TBC1D22A: variants seen among roughly 807,000 people sequenced by gnomAD.
TBC1D22A encodes the protein TBC1 domain family member 22A, also known as putative GTPase activator.
In TBC1D22A, 38 loss-of-function variants were observed where a neutral mutation model predicts 60.2. The observed-to-expected ratio is 0.63, with a 90% CI of 0.49 to 0.83. TBC1D22A has a LOEUF of 0.83. TBC1D22A is among the 40% of genes least tolerant of loss of function. The probability of loss-of-function intolerance (pLI) is 0.00; values close to 1 mark genes in which losing one functional copy is unlikely to be tolerated. For synonymous variants in TBC1D22A, 302 were observed against 281.7 expected, an observed-to-expected ratio of 1.07 and a Z score of -0.72; for missense variants, 628 against 701.0, an observed-to-expected ratio of 0.90 and a Z score of 1.18.
intron 11 of TBC1D22A, among the ~76,000 whole-genome samples, chr22:47,046,803 C>T (rs985053680): frequency 1.3e-5 from 2 of 152,188 alleles, no homozygotes; most frequent in South Asian, 2.1e-4. Context: ...ACCCCTCTAT[C>T]CCAGAGCCCT....
chr22:46,769,619 G>A (rs943619336), intron 1 of TBC1D22A, among the ~76,000 whole-genome samples: 3 of 152,144 alleles, frequency 2.0e-5, no homozygotes, highest in African/African-American at 7.2e-5. Context: ...ATAGGAGTGG[G>A]GAGCGCTTGA....
In TBC1D22A at chr22:47,001,116, C is replaced by T. The variant is rs115916168; in HGVS notation, c.1201+3407C>T. On this transcript the variant is annotated intron_variant, in intron 10 of 12. Transcript: ENST00000337137. Reference sequence around the variant, plus strand: ...GTTTGTGAGACCCAGAATAGTGACACGTGAGGGCAAAGTGGACGTGATACT... The same window carrying T: ...GTTTGTGAGACCCAGAATAGTGACATGTGAGGGCAAAGTGGACGTGATACT... Among the ~76,000 whole-genome samples, 345 of 152,098 alleles carry T rather than the reference C, an allele frequency of 2.3e-3. 5 individuals carry two copies. Among genetic ancestry groups the T allele is most frequent in the African/African-American group, 8.1e-3 (335 of 41,472 alleles).
chr22:46,915,924 C>T (rs552780670), intron 8 of TBC1D22A: 12 of 447,598 alleles, frequency 2.7e-5, no homozygotes, highest in African/African-American at 1.0e-4. Flanking sequence ...CATGCTGGCA[C>T]TCAGAGCCCT....
chr22:47,099,430 T>G (rs185070627), intron 11 of TBC1D22A, among the ~76,000 whole-genome samples: 12 of 151,952 alleles, frequency 7.9e-5, no homozygotes, highest in East Asian at 3.9e-4. Flanking sequence ...GTCCCTGCTT[T>G]CTTTCTTTTT....
intron 12 of TBC1D22A, among the ~76,000 whole-genome samples, chr22:47,151,817 G>A (rs761765225): frequency 1.3e-5 from 2 of 152,234 alleles, no homozygotes; most frequent in Non-Finnish European, 2.9e-5. Flanking sequence ...TGTCGGGAAA[G>A]AGCAGCGTCA....
At chr22:46,765,961 G>A (rs1300433220) in intron 1 of TBC1D22A, among the ~76,000 whole-genome samples, 9 of 8,972 alleles carry the variant, frequency 1.0e-3, no homozygotes, top group African/African-American at 6.3e-3. Flanking sequence ...TAATTTATGT[G>A]TGTGTGTGTG....
At chr22:46,860,963 T>G (rs968398605) in intron 4 of TBC1D22A, among the ~76,000 whole-genome samples, 18 of 147,684 alleles carry the variant, frequency 1.2e-4, no homozygotes, top group Admixed American at 2.7e-4. Context: ...AAGGCATATT[T>G]GAAAACAGAT....
At chr22:47,084,572 C>G (rs566553364) in intron 11 of TBC1D22A, among the ~76,000 whole-genome samples, 1 of 152,152 alleles carries the variant, frequency 6.6e-6, no homozygotes, top group Non-Finnish European at 1.5e-5. Context: ...AAAATGTGCA[C>G]GCGGATTCCT....
intron 10 of TBC1D22A, among the ~76,000 whole-genome samples, chr22:47,002,873 A>T (rs1199423851): frequency 6.6e-6 from 1 of 152,154 alleles, no homozygotes; most frequent in Non-Finnish European, 1.5e-5. Context: ...TGCTAAGCTG[A>T]TCTGAACTTA....
In TBC1D22A at chr22:47,009,719, A is replaced by G. The variant is rs1372018906; in HGVS notation, c.1201+12010A>G. 2.0e-5 allele frequency among the ~76,000 whole-genome samples: 3 copies of G among 152,184 alleles called. No individual in the cohort carries two copies. Among genetic ancestry groups the G allele is most frequent in the Non-Finnish European group, 2.9e-5 (2 of 68,020 alleles). Reference sequence around the variant, plus strand: ...CATCACCACCACCATCATCATCACTATCACCATCATTTCCTCACCATCATC... The same window carrying G: ...CATCACCACCACCATCATCATCACTGTCACCATCATTTCCTCACCATCATC... On this transcript the variant is annotated intron_variant, in intron 10 of 12. Coordinates refer to ENST00000337137, the MANE Select transcript of TBC1D22A (RefSeq NM_014346.5). The surrounding 1 kb of genome is among the most constrained non-coding windows in gnomAD (Gnocchi z 5.8).
intron 7 of TBC1D22A, among the ~76,000 whole-genome samples, chr22:46,903,818 G>T (rs1193288620): frequency 6.6e-6 from 1 of 152,178 alleles, no homozygotes; most frequent in African/African-American, 2.4e-5. Flanking sequence ...TAAGGCAGCA[G>T]TGGAGGCACT....
intron 8 of TBC1D22A, among the ~76,000 whole-genome samples, chr22:46,932,231 G>A (rs894421064): frequency 7.9e-5 from 12 of 152,148 alleles, no homozygotes; most frequent in Non-Finnish European, 1.8e-4. Flanking sequence ...GCCCTCTGGC[G>A]ACACCACCAT....
At chr22:46,892,926 C>T (rs1181630697) in intron 6 of TBC1D22A, among the ~76,000 whole-genome samples, 3 of 152,266 alleles carry the variant, frequency 2.0e-5, no homozygotes, top group East Asian at 3.8e-4. Context: ...TTTTTCCTGT[C>T]TGCCTGATGC....
At position 46,762,735 on chromosome 22, in the gene TBC1D22A, C is replaced by T. The variant is rs1038903822; in HGVS notation, c.-52C>T. The stretch of plus-strand genomic sequence containing the variant: ...ACAGGAAAGGGCCGCTAGGGGAGGG[C>T]CGGGTGCACTCGGGGTGTCTGGGCC... On this transcript the variant is annotated 5_prime_UTR_variant, in exon 1 of 13. Coordinates refer to ENST00000337137, the MANE Select transcript of TBC1D22A (RefSeq NM_014346.5). 69 of 1,388,594 alleles carry T rather than the reference C, an allele frequency of 5.0e-5. No individual in the cohort carries two copies. The highest frequency in any genetic ancestry group is 6.2e-5 in the Non-Finnish European group (66 of 1,070,268). The allele number at this position is 1,388,594 out of a possible 1,614,324, so 86.0% of individuals were successfully genotyped here.
intron 9 of TBC1D22A, among the ~76,000 whole-genome samples, chr22:46,975,375 C>T (rs182624585): frequency 6.6e-6 from 1 of 152,104 alleles, no homozygotes; most frequent in Non-Finnish European, 1.5e-5. Context: ...GCTGACAGAG[C>T]AGGACTTGTC....
At chr22:46,924,462 A>G (rs1168079439) in intron 8 of TBC1D22A, among the ~76,000 whole-genome samples, 5 of 152,264 alleles carry the variant, frequency 3.3e-5, no homozygotes, top group Non-Finnish European at 7.3e-5. Flanking sequence ...AAGAACATTA[A>G]GAATATTTAT....
Position 47,173,755 on chromosome 22 carries a change from G to A in TBC1D22A, c.*129G>A. ...TTGTGAGGTGGCCCCACCCTCCAGG[G>A]GAGCTGGTGAAGATGGGCCACAGAC... is the stretch of plus-strand genomic sequence containing the variant. On this transcript the variant is annotated 3_prime_UTR_variant, in exon 13 of 13. Coordinates refer to ENST00000337137, the MANE Select transcript of TBC1D22A (RefSeq NM_014346.5). The A allele has an allele frequency of 7.0e-7, 1 of 1,426,440 alleles. No individual in the cohort carries two copies. The highest frequency in any genetic ancestry group is 9.5e-7 in the Non-Finnish European group (1 of 1,047,490). 88.4% of individuals were successfully genotyped at this position (1,426,440 alleles called of 1,614,324 possible). A position where few individuals can be genotyped will look rare whatever the true frequency, so the allele number is the denominator to read the frequency against.
At position 46,941,372 on chromosome 22, in the gene TBC1D22A, T is replaced by TACAGAATATATATACAGAATATATAC. The variant is rs1569247789; in HGVS notation, c.1015+29199_1015+29200insAGAATATATACACAGAATATATATAC. 1.9e-3 allele frequency among the ~76,000 whole-genome samples: 281 copies of TACAGAATATATATACAGAATATATAC among 147,794 alleles called. 17 individuals carry two copies. Among genetic ancestry groups the TACAGAATATATATACAGAATATATAC allele is most frequent in the African/African-American group, 6.7e-3 (270 of 40,064 alleles). On this transcript the variant is annotated intron_variant, in intron 8 of 12. Coordinates refer to ENST00000337137, the MANE Select transcript of TBC1D22A (RefSeq NM_014346.5). ...ATAGAATATATATACAGAATATATA[T>TACAGAATATATATACAGAATATATAC]ACAGAATATATATACGGAATATATA... is the stretch of plus-strand genomic sequence containing the variant.
intron 10 of TBC1D22A, among the ~76,000 whole-genome samples, chr22:47,029,636 T>G (rs1215881572): frequency 6.6e-6 from 1 of 152,228 alleles, no homozygotes; most frequent in Non-Finnish European, 1.5e-5. Context: ...CCAAGGCTCC[T>G]GGCTGCCGCT....
Sources: allele counts gnomAD v4.1 joint callset (sites outside exome capture counted in the v4.1 genomes callset), GRCh38; gene constraint gnomAD v4.1.1; non-coding constraint Gnocchi (gnomAD v3.1); transcripts MANE v1.5; gene names NCBI Gene and HGNC (gene_info 2026-07-23, HGNC 2026-07-21).